The following MDGA2 variants were observed in gnomAD, a reference collection of about 807,000 sequenced individuals.
MDGA2 encodes MAM domain-containing glycosylphosphatidylinositol anchor protein 2.
A neutral mutation model predicts 117.8 loss-of-function variants in MDGA2; 40 were observed. The ratio of observed to expected loss-of-function variants is 0.34; its 90% CI spans 0.26 to 0.44. The LOEUF is 0.44. Ranked by LOEUF, MDGA2 falls within the 20% of genes least tolerant of loss-of-function variation. MDGA2 has a pLI of 1.00. For synonymous variants in MDGA2, 452 were observed against 439.0 expected, an observed-to-expected ratio of 1.03 and a Z score of -0.37; for missense variants, 1,123 against 1,250.6, an observed-to-expected ratio of 0.90 and a Z score of 1.54.
At chr14:47,332,121 A>G (rs1890310137) in intron 1 of MDGA2, among the ~76,000 whole-genome samples, 1 of 152,026 alleles carries the variant, frequency 6.6e-6, no homozygotes, top group South Asian at 2.1e-4. Flanking sequence ...CTTTTATCCC[A>G]TTAAGTCCTG....
At chr14:47,127,480 A>G (rs1310518975) in intron 5 of MDGA2, among the ~76,000 whole-genome samples, 1 of 152,152 alleles carries the variant, frequency 6.6e-6, no homozygotes, top group East Asian at 1.9e-4. Flanking sequence ...AAGTGAACCC[A>G]GTTTGAATGT....
intron 1 of MDGA2, among the ~76,000 whole-genome samples, chr14:47,318,662 G>A (rs1463949064): frequency 6.6e-6 from 1 of 152,036 alleles, no homozygotes; most frequent in African/African-American, 2.4e-5. Flanking sequence ...CAAGGACCAA[G>A]CAATGTGACC....
rs896431349 is a variant in MDGA2, at chr14:47,104,383, G to A, written c.926-7260C>T. 7.3e-5 allele frequency among the ~76,000 whole-genome samples: 11 copies of A among 150,294 alleles called. 1 individual carries two copies. Among genetic ancestry groups the A allele is most frequent in the Non-Finnish European group, 1.5e-4 (10 of 67,754 alleles). ...TTGCCTTAACTGATGACATTACCTT[G>A]TGAAAGTCCTTTTCCTGGCTCATCC... is the stretch of plus-strand genomic sequence containing the variant. On this transcript the variant is annotated intron_variant, in intron 5 of 16. Transcript: ENST00000399232.
chr14:47,115,837 T>A (rs888341524), intron 5 of MDGA2, among the ~76,000 whole-genome samples: 3 of 152,052 alleles, frequency 2.0e-5, no homozygotes, highest in Admixed American at 6.6e-5. Context: ...ATATTCAGTG[T>A]GAAAATCAAA....
chr14:47,412,427 G>A (rs553668635), intron 1 of MDGA2, among the ~76,000 whole-genome samples: 24 of 152,068 alleles, frequency 1.6e-4, no homozygotes, highest in South Asian at 1.0e-3. Flanking sequence ...GAATACAGGC[G>A]CATGCCACAA....
intron 2 of MDGA2, among the ~76,000 whole-genome samples, chr14:47,293,413 C>T (rs1888954358): frequency 6.6e-6 from 1 of 152,168 alleles, no homozygotes; most frequent in African/African-American, 2.4e-5. Flanking sequence ...AGTATCGTCA[C>T]ACTCTAGACC....
At chr14:47,029,398 G>T (rs945609968) in intron 8 of MDGA2, among the ~76,000 whole-genome samples, 6 of 152,028 alleles carry the variant, frequency 3.9e-5, no homozygotes, top group Non-Finnish European at 5.9e-5. Flanking sequence ...ATTATAAGGG[G>T]TATATTAATT....
intron 2 of MDGA2, among the ~76,000 whole-genome samples, chr14:47,235,594 G>T (rs1473152491): frequency 6.6e-6 from 1 of 152,170 alleles, no homozygotes; most frequent in East Asian, 1.9e-4. Flanking sequence ...AGAGGTGCAA[G>T]CTCAGGAAAT....
chr14:47,423,132 C>T lies in MDGA2; in HGVS notation c.281-121582G>A, dbSNP rs377176330. On this transcript the variant is annotated intron_variant, in intron 1 of 16. Transcript: ENST00000399232. ...TCTTCTTGTTTTCATTCTAGGGACT[C>T]TAAACATGTCACACATCTGTATAAT... 6.2e-4 allele frequency among the ~76,000 whole-genome samples: 95 copies of T among 152,204 alleles called. No individual in the cohort carries two copies. In the South Asian group the frequency reaches 0.019, roughly 31 times the overall value.
chr14:47,568,340 A>C lies in MDGA2; in HGVS notation c.280+106177T>G, dbSNP rs1895957201. 2.0e-5 allele frequency among the ~76,000 whole-genome samples: 3 copies of C among 152,204 alleles called. 1 individual carries two copies. The South Asian group carries it at 6.2e-4, about 31-fold the overall frequency. On this transcript the variant is annotated intron_variant, in intron 1 of 16. Transcript: ENST00000399232. ...ACATATAAAACTTAATGAATCATAC[A>C]AATATAACAAAATGCAGTTATTTTG...
At chr14:47,281,874 T>C (rs766031534) in intron 2 of MDGA2, among the ~76,000 whole-genome samples, 1 of 151,740 alleles carries the variant, frequency 6.6e-6, no homozygotes, top group Non-Finnish European at 1.5e-5. Flanking sequence ...CTGGCCAACA[T>C]GGTGAAACTC....
rs182760054 is a variant in MDGA2, at chr14:47,604,773, C to A, written c.280+69744G>T. Among the ~76,000 whole-genome samples, 33 of 152,230 alleles carry A rather than the reference C, an allele frequency of 2.2e-4. 1 individual carries two copies. Among genetic ancestry groups the A allele is most frequent in the Admixed American group, 2.1e-3 (32 of 15,290 alleles). ...ATGACTTTCAGTGGAAATGATCTTG[C>A]AATTTCCAAAAAGACCTCATTCTCA... On this transcript the variant is annotated intron_variant, in intron 1 of 16. Transcript: ENST00000399232.
intron 1 of MDGA2, among the ~76,000 whole-genome samples, chr14:47,553,966 C>T (rs562360409): frequency 2.0e-5 from 3 of 152,274 alleles, no homozygotes; most frequent in East Asian, 1.9e-4. Context: ...TATGTATTTT[C>T]GTCTGGGTTT....
intron 4 of MDGA2, among the ~76,000 whole-genome samples, chr14:47,134,664 T>C (rs1882363390): frequency 6.6e-6 from 1 of 151,716 alleles, no homozygotes. Flanking sequence ...GATATAGATA[T>C]TGATGATATA....
At chr14:46,865,019 GA>G (rs143559386) in intron 14 of MDGA2, among the ~76,000 whole-genome samples, 3 of 151,418 alleles carry the variant, frequency 2.0e-5, no homozygotes, top group African/African-American at 4.9e-5. Context: ...AACTCCAAGG[GA>G]AAAAAAATCC....
chr14:47,041,152 G>A (rs1889051658), intron 7 of MDGA2, among the ~76,000 whole-genome samples: 1 of 152,004 alleles, frequency 6.6e-6, no homozygotes, highest in Non-Finnish European at 1.5e-5. Flanking sequence ...TACTTCTGAT[G>A]CAGATCTTGA....
At chr14:47,588,245 TATATATATATATATATACAC>T (rs1896366731) in intron 1 of MDGA2, among the ~76,000 whole-genome samples, 1 of 85,442 alleles carries the variant, frequency 1.2e-5, no homozygotes, top group Non-Finnish European at 2.4e-5. Context: ...TAGATATATA[TATATATATATATATATACAC>T]ACACACACAC....
intron 3 of MDGA2, among the ~76,000 whole-genome samples, chr14:47,153,185 A>T (rs532881727): frequency 1.3e-5 from 2 of 152,268 alleles, no homozygotes; most frequent in South Asian, 4.1e-4. Flanking sequence ...CTCCTTCTGG[A>T]GAAGAGATTT....
chr14:47,618,629 T>A (rs1896990538), intron 1 of MDGA2, among the ~76,000 whole-genome samples: 1 of 152,254 alleles, frequency 6.6e-6, no homozygotes, highest in African/African-American at 2.4e-5. Context: ...TTTTATTTTA[T>A]CTACCTTGCA....
Sources: allele counts gnomAD v4.1 joint callset (sites outside exome capture counted in the v4.1 genomes callset), GRCh38; gene constraint gnomAD v4.1.1; transcripts MANE v1.5; gene names NCBI Gene and HGNC (gene_info 2026-07-23, HGNC 2026-07-21).